Variants in NRG2 observed in about 807,000 individuals in gnomAD.
The protein encoded by NRG2 is pro-neuregulin-2, membrane-bound isoform.
NRG2 carries 27 observed loss-of-function variants against 73.9 expected under a neutral mutation model. The ratio of observed to expected loss-of-function variants is 0.37; its 90% CI spans 0.27 to 0.50. The LOEUF is 0.50. Ranked by LOEUF, NRG2 falls within the 20% of genes least tolerant of loss-of-function variation. The probability of loss-of-function intolerance (pLI) is 0.96; values close to 1 mark genes in which losing one functional copy is unlikely to be tolerated. For missense variants in NRG2, 1,126 were observed against 1,210.1 expected (o/e 0.93, Z 1.03); for synonymous variants, 532 against 541.0 (o/e 0.98, Z 0.23).
intron 1 of NRG2, among the ~76,000 whole-genome samples, chr5:139,920,663 A>G (rs555756567): frequency 2.0e-5 from 3 of 152,332 alleles, no homozygotes; most frequent in East Asian, 1.9e-4. Context: ...AGTATAAACC[A>G]TGCTTCTCTG....
chr5:140,011,116 C>A lies in NRG2; in HGVS notation c.700+31254G>T, dbSNP rs542010305. On this transcript the variant is annotated intron_variant, in intron 1 of 9. Coordinates refer to ENST00000361474, the MANE Select transcript of NRG2 (RefSeq NM_004883.3). ...CTTATCTTGTTACAAAGAGTAAAGA[C>A]TAAACTTCTCAGCATAGCCTACAAG... 7.9e-5 allele frequency among the ~76,000 whole-genome samples: 12 copies of A among 152,330 alleles called. No homozygotes were observed. In the South Asian group the frequency reaches 2.5e-3, roughly 32 times the overall value.
At chr5:139,914,771 C>T (rs964117476) in intron 1 of NRG2, among the ~76,000 whole-genome samples, 6 of 152,224 alleles carry the variant, frequency 3.9e-5, no homozygotes, top group Non-Finnish European at 8.8e-5. Context: ...GGTGCCCGCC[C>T]CACCCACTAG....
intron 1 of NRG2, among the ~76,000 whole-genome samples, chr5:139,946,284 T>C (rs1218851116): frequency 6.6e-6 from 1 of 152,054 alleles, no homozygotes; most frequent in Admixed American, 6.6e-5. Context: ...TAGAATAAAA[T>C]TGAGAATCCG....
Position 139,851,952 on chromosome 5 carries a change from T to A in NRG2, c.1545-121A>T, listed in dbSNP as rs1330873631. The A allele has an allele frequency of 2.6e-6, 2 of 779,758 alleles. No individual in the cohort carries two copies. The highest frequency in any genetic ancestry group is 4.2e-6 in the Non-Finnish European group (2 of 476,512). 48.3% of individuals were successfully genotyped at this position (779,758 alleles called of 1,614,324 possible). ...TCGAGCTCCCTTAGCTCAATGCCCTTCTCCACTCTGGGGTGATGTGTATTG... is the reference window on the plus strand; with the variant it reads ...TCGAGCTCCCTTAGCTCAATGCCCTACTCCACTCTGGGGTGATGTGTATTG... On this transcript the variant is annotated intron_variant, in intron 8 of 9. Transcript: ENST00000361474. This position sits in a 1 kb window ranked among gnomAD's most constrained non-coding sequence, Gnocchi z 4.2.
intron 3 of NRG2, among the ~76,000 whole-genome samples, chr5:139,878,857 G>C (rs1469796973): frequency 1.3e-5 from 2 of 152,162 alleles, no homozygotes; most frequent in Non-Finnish European, 2.9e-5. Context: ...CCCAGGCTGG[G>C]CCATAGAGGA....
Position 139,887,919 on chromosome 5 carries a change from C to T in NRG2, c.701-408G>A, listed in dbSNP as rs1393305067. Among the ~76,000 whole-genome samples the T allele has an allele frequency of 6.6e-6, 1 of 152,152 alleles. No individual in the cohort carries two copies. On this transcript the variant is annotated intron_variant, in intron 1 of 9. Coordinates refer to ENST00000361474, the MANE Select transcript of NRG2 (RefSeq NM_004883.3). The surrounding 1 kb of genome is among the most constrained non-coding windows in gnomAD (Gnocchi z 4.5). ...CACAGATCTCCTTGACATCAGTGCT[C>T]AGGATCTAAAATCATGGGTAACAAG...
Position 139,937,085 on chromosome 5 carries a change from A to C in NRG2, c.701-49574T>G, listed in dbSNP as rs559093211. On this transcript the variant is annotated intron_variant, in intron 1 of 9. Coordinates refer to ENST00000361474, the MANE Select transcript of NRG2 (RefSeq NM_004883.3). Reference sequence around the variant, plus strand: ...CCAAACTGTTGGGATTGCAGGCGTGAGCCACCGTGCCTGGCCAGGAAATAA... The same window carrying C: ...CCAAACTGTTGGGATTGCAGGCGTGCGCCACCGTGCCTGGCCAGGAAATAA... 2.4e-4 allele frequency among the ~76,000 whole-genome samples: 37 copies of C among 152,372 alleles called. No homozygotes were observed. The South Asian group carries it at 7.5e-3, about 31-fold the overall frequency.
At chr5:139,857,024 C>A (rs1362071707) in intron 5 of NRG2, among the ~76,000 whole-genome samples, 1 of 152,180 alleles carries the variant, frequency 6.6e-6, no homozygotes, top group Non-Finnish European at 1.5e-5. Context: ...CTCCATCACT[C>A]CTCTGAGACT....
intron 1 of NRG2, among the ~76,000 whole-genome samples, chr5:140,037,444 G>A (rs905180846): frequency 3.3e-5 from 5 of 152,184 alleles, no homozygotes; most frequent in Admixed American, 1.3e-4. Flanking sequence ...AGGTATTGAG[G>A]AGAAAAGAGG....
At chr5:139,974,403 A>G (rs1001215615) in intron 1 of NRG2, among the ~76,000 whole-genome samples, 19 of 152,152 alleles carry the variant, frequency 1.2e-4, no homozygotes, top group African/African-American at 4.1e-4. Flanking sequence ...AAAAGGCACA[A>G]GCCACACCAG....
At chr5:139,980,914 T>G (rs936196528) in intron 1 of NRG2, among the ~76,000 whole-genome samples, 2 of 152,188 alleles carry the variant, frequency 1.3e-5, no homozygotes, top group African/African-American at 2.4e-5. Context: ...TACCCCCTAC[T>G]AGGAGCTTGG....
At chr5:140,022,713 T>C (rs1206170757) in intron 1 of NRG2, among the ~76,000 whole-genome samples, 1 of 152,216 alleles carries the variant, frequency 6.6e-6, no homozygotes, top group African/African-American at 2.4e-5. Flanking sequence ...TATTTTTATA[T>C]GATTATTATG....
At chr5:139,988,016 C>T (rs977648142) in intron 1 of NRG2, among the ~76,000 whole-genome samples, 28 of 152,258 alleles carry the variant, frequency 1.8e-4, no homozygotes, top group Non-Finnish European at 2.6e-4. Flanking sequence ...CCTTGTGATC[C>T]GCCTGCCTCG....
At chr5:139,910,932 G>A (rs1765527656) in intron 1 of NRG2, among the ~76,000 whole-genome samples, 1 of 152,152 alleles carries the variant, frequency 6.6e-6, no homozygotes. Flanking sequence ...CCCATCCCAG[G>A]AGAAGCCTCA....
chr5:139,904,169 C>G lies in NRG2; in HGVS notation c.701-16658G>C. 1 of 821,450 alleles carries G rather than the reference C, an allele frequency of 1.2e-6. No individual in the cohort carries two copies. The highest frequency in any genetic ancestry group is 1.7e-6 in the Non-Finnish European group (1 of 596,374). 50.9% of individuals were successfully genotyped at this position (821,450 alleles called of 1,614,324 possible). On this transcript the variant is annotated intron_variant, in intron 1 of 9. Transcript: ENST00000361474. The surrounding 1 kb of genome is among the most constrained non-coding windows in gnomAD (Gnocchi z 6.0). Reference sequence around the variant, plus strand: ...CCGCGACGACCCGCTCGCACGCAGGCACGCGCGCCCTCGGTGCCTGTCACC... The same window carrying G: ...CCGCGACGACCCGCTCGCACGCAGGGACGCGCGCCCTCGGTGCCTGTCACC...
At chr5:139,910,377 G>A (rs1167987433) in intron 1 of NRG2, among the ~76,000 whole-genome samples, 2 of 152,160 alleles carry the variant, frequency 1.3e-5, no homozygotes, top group African/African-American at 4.8e-5. Context: ...CACATTCCTC[G>A]TTAAGTGAAT....
intron 1 of NRG2, among the ~76,000 whole-genome samples, chr5:140,032,287 A>G (rs1410686736): frequency 6.6e-6 from 1 of 152,226 alleles, no homozygotes; most frequent in African/African-American, 2.4e-5. Flanking sequence ...CCAACTAACC[A>G]AAACACAGAA....
chr5:140,018,157 A>C, intron 1 of NRG2, among the ~76,000 whole-genome samples: 1 of 152,080 alleles, frequency 6.6e-6, no homozygotes. Context: ...CCCTATCTTG[A>C]CCCCTGGTAG....
intron 3 of NRG2, among the ~76,000 whole-genome samples, chr5:139,873,236 G>GAGC (rs563584340): frequency 6.6e-6 from 1 of 152,250 alleles, no homozygotes; most frequent in East Asian, 1.9e-4. Flanking sequence ...TGGCATCCCG[G>GAGC]AGCCCCACCC....
Sources: gnomAD v4.1 joint callset for allele counts (sites outside exome capture counted in the v4.1 genomes callset) on GRCh38, gnomAD v4.1.1 for gene constraint, Gnocchi (gnomAD v3.1) non-coding constraint, MANE v1.5 for transcripts, NCBI Gene and HGNC (gene_info 2026-07-23, HGNC 2026-07-21) for gene names.